The following ABCB10 variants were observed in gnomAD, a reference collection of about 807,000 sequenced individuals.
The protein encoded by ABCB10 is ATP-binding cassette sub-family B member 10, mitochondrial.
ABCB10 carries 54 observed loss-of-function variants against 65.4 expected under a neutral mutation model. The ratio of observed to expected loss-of-function variants is 0.83; its 90% CI spans 0.66 to 1.04. The LOEUF (loss-of-function observed/expected upper bound fraction) is 1.04, where lower values mean the gene tolerates loss of function less well. ABCB10 is among the 50% of genes least tolerant of loss of function. The pLI is 0.00. For synonymous variants in ABCB10, 418 were observed against 406.5 expected (o/e 1.03, Z -0.34); for missense variants, 846 against 976.6 (o/e 0.87, Z 1.78).
chr1:229,535,296 G>C (rs992592453), intron 6 of ABCB10: 2 of 152,156 alleles, frequency 1.3e-5, no homozygotes, highest in African/African-American at 4.8e-5. Context: ...GTTTATAGCA[G>C]CTTTATTCAT....
chr1:229,530,110 T>C lies in ABCB10; in HGVS notation c.1645+89A>G, dbSNP rs1662542694. ...AGAAGGTACTCTACAAAATAAGGTA[T>C]TTGCATGGTTTGAGCATCTCCTAGG... On this transcript the variant is annotated intron_variant, in intron 8 of 12. Transcript: ENST00000344517. 4 of 1,277,406 alleles carry C rather than the reference T, an allele frequency of 3.1e-6. No homozygotes were observed. The South Asian group carries it at 4.8e-5, about 15-fold the overall frequency. The allele number at this position is 1,277,406 out of a possible 1,614,324, so 79.1% of individuals were successfully genotyped here.
At chr1:229,552,431 C>A (rs1458189781) in intron 1 of ABCB10, among the ~76,000 whole-genome samples, 1 of 152,210 alleles carries the variant, frequency 6.6e-6, no homozygotes, top group African/African-American at 2.4e-5. Context: ...GCGGCCCCAG[C>A]AACTTCTCCC....
chr1:229,548,023 A>C, intron 2 of ABCB10, among the ~76,000 whole-genome samples: 1 of 147,748 alleles, frequency 6.8e-6, no homozygotes, highest in African/African-American at 2.5e-5. Context: ...TTTTTAAGAG[A>C]CTGGGTCTTG....
intron 1 of ABCB10, among the ~76,000 whole-genome samples, chr1:229,550,525 C>CAAAAA (rs60323914): frequency 0.027 from 1,676 of 62,974 alleles, 43 homozygotes; most frequent in African/African-American, 0.073. Flanking sequence ...ATGCTGTCTC[C>CAAAAA]AAAAAAAAAA....
chr1:229,535,407 T>C (rs1662695607), intron 6 of ABCB10, among the ~76,000 whole-genome samples: 1 of 152,040 alleles, frequency 6.6e-6, no homozygotes, highest in Non-Finnish European at 1.5e-5. Flanking sequence ...TAAAAATAAA[T>C]GAGCTATCAA....
chr1:229,535,411 C>T (rs1158169860), intron 6 of ABCB10, among the ~76,000 whole-genome samples: 1 of 152,114 alleles, frequency 6.6e-6, no homozygotes, highest in Non-Finnish European at 1.5e-5. Context: ...AATAAATGAG[C>T]TATCAAGCCA....
At chr1:229,519,072 A>C in intron 11 of ABCB10, 197 bp from the exon 12 acceptor site, 1 of 441,286 alleles carries the variant, frequency 2.3e-6, no homozygotes, top group Non-Finnish European at 4.0e-6. Flanking sequence ...CACAACAGGC[A>C]CTTCTACAGA....
intron 10 of ABCB10, among the ~76,000 whole-genome samples, chr1:229,524,525 C>T (rs1383151866): frequency 6.6e-6 from 1 of 152,078 alleles, no homozygotes; most frequent in Non-Finnish European, 1.5e-5. Context: ...AAGTGTTTAG[C>T]TGAACATTTA....
chr1:229,520,720 G>A (rs1410922117), intron 11 of ABCB10, among the ~76,000 whole-genome samples: 1 of 152,090 alleles, frequency 6.6e-6, no homozygotes, highest in African/African-American at 2.4e-5. Flanking sequence ...ACAGTAGAAG[G>A]GAATAAAGTA....
At chr1:229,550,397 C>G (rs1475456001) in intron 1 of ABCB10, among the ~76,000 whole-genome samples, 1 of 151,790 alleles carries the variant, frequency 6.6e-6, no homozygotes, top group Non-Finnish European at 1.5e-5. Context: ...TGGTAGCATG[C>G]ACCTGTAGTC....
chr1:229,542,142 G>GA, intron 4 of ABCB10, 95 bp downstream of exon 4: 1 of 1,440,286 alleles, frequency 6.9e-7, no homozygotes, highest in South Asian at 1.5e-5. Context: ...GCACTTCATT[G>GA]AAAAACCTAA....
At chr1:229,551,783 T>C (rs1015061690) in intron 1 of ABCB10, among the ~76,000 whole-genome samples, 15 of 152,212 alleles carry the variant, frequency 9.9e-5, no homozygotes, top group Non-Finnish European at 2.9e-5. Flanking sequence ...TCAGCCTCGA[T>C]GAACTGGCAG....
In ABCB10 at chr1:229,525,952, C is replaced by A. The variant is rs369960601; in HGVS notation, c.1890G>T (p.Lys630Asn). The change falls in exon 10 of 13, where the codon AAG (lysine) becomes AAT (asparagine). Residue 630 changes from lysine (K) to asparagine (N), a missense_variant. Physicochemically the swap from Lys to Asn is moderately conservative, Grantham distance 94. Around this residue, in one of 2 missense-constraint regions of ABCB10, gnomAD observed 632 missense variants for 803.2 expected, o/e 0.79. Transcript: ENST00000344517. Reference protein sequence around the residue: ...PQGFNTVVGEKGVLLSGGQKQ... With the variant: ...PQGFNTVVGENGVLLSGGQKQ... ...GAAATGCACCTGAGAGGAGAACACC[C>A]TTTTCTCCAACCACAGTGTTGAACC... The A allele has an allele frequency of 7.7e-5, 124 of 1,613,498 alleles. No homozygotes were observed. The highest frequency in any genetic ancestry group is 8.9e-5 in the Non-Finnish European group (105 of 1,179,778).
At chr1:229,535,751 A>C (rs2102694573) in intron 6 of ABCB10, among the ~76,000 whole-genome samples, 1 of 149,762 alleles carries the variant, frequency 6.7e-6, no homozygotes, top group African/African-American at 2.4e-5. Context: ...TTTGAGACAG[A>C]GTCTCACTCT....
intron 10 of ABCB10, among the ~76,000 whole-genome samples, chr1:229,522,047 T>C (rs10799535): frequency 0.21 from 31,889 of 151,642 alleles, 3,510 homozygotes; most frequent in Middle Eastern, 0.28. Context: ...TTGGTAAAGA[T>C]GGGGTTTTGC....
intron 10 of ABCB10, among the ~76,000 whole-genome samples, chr1:229,523,018 T>C (rs549064171): frequency 2.6e-5 from 4 of 152,296 alleles, no homozygotes; most frequent in South Asian, 4.1e-4. Flanking sequence ...CCGGCTAACA[T>C]AGCACTTATT....
intron 10 of ABCB10, among the ~76,000 whole-genome samples, chr1:229,525,096 C>A (rs1415176103): frequency 6.6e-6 from 1 of 152,120 alleles, no homozygotes; most frequent in Non-Finnish European, 1.5e-5. Flanking sequence ...CTCAAGTGAT[C>A]CACCTGCCTC....
intron 6 of ABCB10, among the ~76,000 whole-genome samples, chr1:229,536,115 T>C (rs1379846046): frequency 6.6e-6 from 1 of 152,126 alleles, no homozygotes; most frequent in Non-Finnish European, 1.5e-5. Context: ...TATACACCCC[T>C]ATCTCCACAC....
rs1028097172 is a variant in ABCB10, at chr1:229,521,759, A to G, written c.1907-124T>C. On this transcript the variant is annotated intron_variant, in intron 10 of 12. Coordinates refer to ENST00000344517, the MANE Select transcript of ABCB10 (RefSeq NM_012089.3). Reference sequence around the variant, plus strand: ...CTAGTTAGTCATAGCTGACACAGATAGACCAGAAACCTATTTTAAAATATA... The same window carrying G: ...CTAGTTAGTCATAGCTGACACAGATGGACCAGAAACCTATTTTAAAATATA... The G allele has an allele frequency of 2.8e-5, 24 of 871,416 alleles. No individual in the cohort carries two copies. The Admixed American group carries it at 4.2e-4, about 15-fold the overall frequency. The allele number at this position is 871,416 out of a possible 1,614,324, so 54.0% of individuals were successfully genotyped here. A position where few individuals can be genotyped will look rare whatever the true frequency, so the allele number is the denominator to read the frequency against.
Sources: gnomAD v4.1 joint callset for allele counts (sites outside exome capture counted in the v4.1 genomes callset) on GRCh38, gnomAD v4.1.1 for gene constraint, gnomAD v4.1.1 regional missense constraint, MANE v1.5 for transcripts, NCBI Gene and HGNC (gene_info 2026-07-23, HGNC 2026-07-21) for gene names.